XKR6: variants seen among roughly 807,000 people sequenced by gnomAD.
XKR6 encodes XK related 6, also known as XK-related protein 6.
XKR6 carries 22 observed loss-of-function variants against 56.7 expected under a neutral mutation model. That is an observed-to-expected ratio of 0.39 (90% CI 0.28 to 0.55). The LOEUF is 0.55. XKR6 is among the 20% of genes least tolerant of loss of function. The pLI, the probability that XKR6 is intolerant of heterozygous loss-of-function variation, is 0.66. For synonymous variants in XKR6, 524 were observed against 387.8 expected (o/e 1.35, Z -4.13); for missense variants, 852 against 889.0 (o/e 0.96, Z 0.53).
chr8:11,042,759 C>T (rs957955191), intron 1 of XKR6, among the ~76,000 whole-genome samples: 7 of 151,990 alleles, frequency 4.6e-5, no homozygotes, highest in Non-Finnish European at 7.3e-5. Context: ...ATTTGGATTT[C>T]GGATTTTCCC....
chr8:11,093,663 G>C (rs1157999769), intron 1 of XKR6, among the ~76,000 whole-genome samples: 2 of 100,294 alleles, frequency 2.0e-5, no homozygotes, highest in Admixed American at 1.6e-4. Context: ...ATAAAAACTA[G>C]TGAATAACTA....
intron 1 of XKR6, among the ~76,000 whole-genome samples, chr8:10,941,036 G>A (rs909359900): frequency 6.6e-6 from 1 of 152,212 alleles, no homozygotes; most frequent in Non-Finnish European, 1.5e-5. Context: ...CACCCAGGGA[G>A]GAGGTGAGGG....
chr8:11,074,299 T>C (rs1297976833), intron 1 of XKR6, among the ~76,000 whole-genome samples: 1 of 152,144 alleles, frequency 6.6e-6, no homozygotes, highest in Non-Finnish European at 1.5e-5. Context: ...TTGGGTCTCC[T>C]CTGTCTTAGG....
At chr8:11,014,065 A>G (rs1798558835) in intron 1 of XKR6, among the ~76,000 whole-genome samples, 1 of 152,238 alleles carries the variant, frequency 6.6e-6, no homozygotes, top group South Asian at 2.1e-4. Flanking sequence ...TAGATCCATC[A>G]TAATCTGTGT....
At chr8:11,071,466 T>TATGAGCCCCGAGTCC (rs796388731) in intron 1 of XKR6, among the ~76,000 whole-genome samples, 2 of 139,996 alleles carry the variant, frequency 1.4e-5, no homozygotes, top group African/African-American at 3.0e-5. Context: ...CCTTTAAGTC[T>TATGAGCCCCGAGTCC]ATGAGCCCCG....
chr8:11,036,851 T>C (rs1490906959), intron 1 of XKR6, among the ~76,000 whole-genome samples: 1 of 152,206 alleles, frequency 6.6e-6, no homozygotes, highest in Non-Finnish European at 1.5e-5. Flanking sequence ...CCCTGGAAGG[T>C]GGCTGCGTGT....
At chr8:11,171,263 C>T (rs1802353723) in intron 1 of XKR6, among the ~76,000 whole-genome samples, 1 of 152,124 alleles carries the variant, frequency 6.6e-6, no homozygotes, top group African/African-American at 2.4e-5. Flanking sequence ...ATTAAGTGCA[C>T]ACCCACGCAT....
rs7462931 is a variant in XKR6, at chr8:11,052,833, G to A, written c.765-128003C>T. On this transcript the variant is annotated intron_variant, in intron 1 of 2. Coordinates refer to ENST00000416569, the MANE Select transcript of XKR6 (RefSeq NM_173683.4). ...CGTTAGGATTCCTCTGCTGCCCGCC[G>A]TCCTCCCACTCCCGCACCCCTAGCA... Among the ~76,000 whole-genome samples the A allele has an allele frequency of 1.8e-3, 267 of 151,772 alleles. 1 individual carries two copies. Among genetic ancestry groups the A allele is most frequent in the Middle Eastern group, 0.01 (3 of 294 alleles).
chr8:11,170,360 TAGTC>T (rs1184609261), intron 1 of XKR6, among the ~76,000 whole-genome samples: 1 of 152,188 alleles, frequency 6.6e-6, no homozygotes, highest in Non-Finnish European at 1.5e-5. Context: ...AATGGAATAT[TAGTC>T]AGTCATAAAA....
At chr8:10,947,499 C>T (rs1563305076) in intron 1 of XKR6, among the ~76,000 whole-genome samples, 1 of 152,076 alleles carries the variant, frequency 6.6e-6, no homozygotes, top group Non-Finnish European at 1.5e-5. Flanking sequence ...GCCCTGAAAA[C>T]ACCATTGCTT....
At chr8:11,142,407 C>A (rs1800751635) in intron 1 of XKR6, among the ~76,000 whole-genome samples, 1 of 152,142 alleles carries the variant, frequency 6.6e-6, no homozygotes, top group African/African-American at 2.4e-5. Context: ...CCAACTGATA[C>A]AGTTTGGATG....
At chr8:10,978,465 G>A (rs902710414) in intron 1 of XKR6, among the ~76,000 whole-genome samples, 1 of 152,170 alleles carries the variant, frequency 6.6e-6, no homozygotes, top group Non-Finnish European at 1.5e-5. Context: ...ATGATGTGAT[G>A]GGGGAGGGGG....
At chr8:11,191,496 G>T (rs576531225) in intron 1 of XKR6, among the ~76,000 whole-genome samples, 1 of 152,198 alleles carries the variant, frequency 6.6e-6, no homozygotes, top group African/African-American at 2.4e-5. Flanking sequence ...ACACGTATGG[G>T]GCGCCTACTG....
intron 1 of XKR6, among the ~76,000 whole-genome samples, chr8:11,098,053 A>C (rs1699058810): frequency 6.6e-6 from 1 of 152,108 alleles, no homozygotes; most frequent in Admixed American, 6.5e-5. Flanking sequence ...CACTGTTGTG[A>C]AAGTTGTTGG....
chr8:10,993,679 C>G (rs544424742), intron 1 of XKR6, among the ~76,000 whole-genome samples: 4 of 152,238 alleles, frequency 2.6e-5, no homozygotes, highest in Non-Finnish European at 5.9e-5. Context: ...TCACCCGACA[C>G]TGGGAGCCCC....
chr8:11,201,113 G>C lies in XKR6; in HGVS notation c.227C>G (p.Ser76Cys). ...GCGGCGCGGCTTCCTGCCCAGGAGG[G>C]AGCGCAGGCAGGCGGAGCGGCAGCC... ...YWGCRSACLR[S>C]LLGRKPRRSA... Residue 76 changes from serine (S) to cysteine (C), a missense_variant, in exon 1 of 3, where the codon TCC becomes TGC. Around this residue, in one of 4 missense-constraint regions of XKR6, gnomAD observed 417 missense variants for 355.2 expected, o/e 1.17. Coordinates refer to ENST00000416569, the MANE Select transcript of XKR6 (RefSeq NM_173683.4). The C allele has an allele frequency of 6.6e-7, 1 of 1,508,370 alleles. No individual in the cohort carries two copies. Among genetic ancestry groups the C allele is most frequent in the Non-Finnish European group, 8.8e-7 (1 of 1,135,772 alleles). The allele number at this position is 1,508,370 out of a possible 1,614,324, so 93.4% of individuals were successfully genotyped here.
intron 1 of XKR6, among the ~76,000 whole-genome samples, chr8:11,074,753 G>A (rs1161834312): frequency 6.6e-6 from 1 of 152,192 alleles, no homozygotes; most frequent in Non-Finnish European, 1.5e-5. Flanking sequence ...GTGCTTTGGG[G>A]TTCCAAAGTA....
intron 1 of XKR6, among the ~76,000 whole-genome samples, chr8:11,195,529 T>C (rs1803830334): frequency 6.6e-6 from 1 of 152,204 alleles, no homozygotes; most frequent in Non-Finnish European, 1.5e-5. Context: ...TTATAGCACA[T>C]CCACTTCCTG....
chr8:10,970,139 C>T (rs931243461), intron 1 of XKR6, among the ~76,000 whole-genome samples: 9 of 152,192 alleles, frequency 5.9e-5, no homozygotes, highest in Non-Finnish European at 1.0e-4. Flanking sequence ...GCTCTCTGTG[C>T]TCCGGGACCC....
Sources: allele counts gnomAD v4.1 joint callset (sites outside exome capture counted in the v4.1 genomes callset), GRCh38; gene constraint gnomAD v4.1.1; regional missense constraint gnomAD v4.1.1; transcripts MANE v1.5; gene names NCBI Gene and HGNC (gene_info 2026-07-23, HGNC 2026-07-21).